MAP2: variants seen among roughly 807,000 people sequenced by gnomAD.
The protein encoded by MAP2 is microtubule-associated protein 2.
In MAP2, 14 loss-of-function variants were observed where a neutral mutation model predicts 137.6. The observed-to-expected ratio is 0.10, with a 90% CI of 0.07 to 0.16. The LOEUF (loss-of-function observed/expected upper bound fraction) is 0.16. Ranked by LOEUF, MAP2 falls within the 10% of genes least tolerant of loss-of-function variation. MAP2 has a pLI of 1.00. For missense variants in MAP2, 2,088 were observed against 2,191.5 expected (o/e 0.95, Z 0.94); for synonymous variants, 786 against 782.3 (o/e 1.00, Z -0.08).
Position 209,730,259 on chromosome 2 carries a change from C to T in MAP2, c.5346C>T (p.Ser1782=), listed in dbSNP as rs1161752969. 5 of 1,613,914 alleles carry T rather than the reference C, an allele frequency of 3.1e-6. No homozygotes were observed. The highest frequency in any genetic ancestry group is 4.2e-6 in the Non-Finnish European group (5 of 1,179,994). ...VDHGAEIITQ[S]PGRSSVASPR... ...ATGGGGCTGAGATCATTACACAGTC[C>T]CCAGGCAGATCCAGCGTGGCATCAC... is the stretch of plus-strand genomic sequence containing the variant. The change falls in exon 16 of 16, where the codon TCC becomes TCT. Residue 1782 remains serine (S), a synonymous_variant. Transcript: ENST00000682079.
Position 209,692,926 on chromosome 2 carries a change from C to A in MAP2, c.756C>A (p.Leu252=). The change falls in exon 8 of 16, where the codon CTC becomes CTA. Residue 252 remains leucine (L), a synonymous_variant. Coordinates refer to ENST00000682079, the MANE Select transcript of MAP2 (RefSeq NM_001375505.1). ...GCCTTGTAGTACCTGGCATTGACCTCCCTAAAGAGCCTCCAACTCCAAAAG... is the reference window on the plus strand; with the variant it reads ...GCCTTGTAGTACCTGGCATTGACCTACCTAAAGAGCCTCCAACTCCAAAAG... The part of the protein sequence containing the change: ...EPSLVVPGID[L]PKEPPTPKEQ... 2 of 1,614,092 alleles carry A rather than the reference C, an allele frequency of 1.2e-6. No homozygotes were observed. Among genetic ancestry groups the A allele is most frequent in the Non-Finnish European group, 1.7e-6 (2 of 1,179,990 alleles).
intron 5 of MAP2, among the ~76,000 whole-genome samples, chr2:209,658,519 T>G (rs538050055): frequency 2.6e-5 from 4 of 152,078 alleles, no homozygotes. Flanking sequence ...TACTATTTTT[T>G]TTTTGAGATG....
chr2:209,544,932 A>G (rs1423075022), intron 2 of MAP2, among the ~76,000 whole-genome samples: 1 of 152,220 alleles, frequency 6.6e-6, no homozygotes, highest in African/African-American at 2.4e-5. Context: ...TAAAACCTGA[A>G]TATTCTTCTT....
At chr2:209,467,126 C>A (rs951643753) in intron 1 of MAP2, among the ~76,000 whole-genome samples, 1 of 152,156 alleles carries the variant, frequency 6.6e-6, no homozygotes, top group Non-Finnish European at 1.5e-5. Flanking sequence ...TTCTCTCACC[C>A]CCACATTTAA....
chr2:209,427,917 G>A (rs1344861624), intron 1 of MAP2, among the ~76,000 whole-genome samples: 1 of 152,140 alleles, frequency 6.6e-6, no homozygotes, highest in Non-Finnish European at 1.5e-5. Flanking sequence ...ATGTAGGGTA[G>A]AGATGAGCCT....
In MAP2 at chr2:209,647,601, C is replaced by G. The variant is rs920236621; in HGVS notation, c.-29-5541C>G. Reference sequence around the variant, plus strand: ...TAGAAATCTGATCAATACCAAGTCTCTTAGTTTGGCTCACATCATTGGAAT... The same window carrying G: ...TAGAAATCTGATCAATACCAAGTCTGTTAGTTTGGCTCACATCATTGGAAT... On this transcript the variant is annotated intron_variant, in intron 4 of 15. Transcript: ENST00000682079. Among the ~76,000 whole-genome samples the G allele has an allele frequency of 2.0e-4, 31 of 152,146 alleles. 1 individual carries two copies. The highest frequency in any genetic ancestry group is 1.8e-3 in the Admixed American group (27 of 15,276).
intron 2 of MAP2, among the ~76,000 whole-genome samples, chr2:209,521,416 A>C (rs1576997601): frequency 1.3e-5 from 2 of 148,350 alleles, no homozygotes; most frequent in African/African-American, 5.0e-5. Context: ...TTCCTCCCCC[A>C]CCCCCTCTTT....
chr2:209,661,280 A>G (rs541563604), intron 5 of MAP2, among the ~76,000 whole-genome samples: 2 of 152,304 alleles, frequency 1.3e-5, no homozygotes, highest in South Asian at 2.1e-4. Context: ...TCTATGTAAT[A>G]TATTAATTTA....
At chr2:209,705,433 G>A (rs937397654) in intron 11 of MAP2, 147 bp from the exon 12 acceptor site, 12 of 546,754 alleles carry the variant, frequency 2.2e-5, no homozygotes, top group African/African-American at 2.1e-4. Flanking sequence ...TTATAAAGTA[G>A]AAATGTTTAT....
chr2:209,575,043 A>G (rs367719149), intron 2 of MAP2, among the ~76,000 whole-genome samples: 1 of 152,224 alleles, frequency 6.6e-6, no homozygotes, highest in Non-Finnish European at 1.5e-5. Context: ...TAAAAATTAT[A>G]ATTTAGCACA....
chr2:209,534,222 T>C (rs577207567), intron 2 of MAP2, among the ~76,000 whole-genome samples: 31 of 152,374 alleles, frequency 2.0e-4, no homozygotes, highest in African/African-American at 7.2e-4. Flanking sequence ...CTAATCTATC[T>C]CCTGGTGTTA....
intron 5 of MAP2, among the ~76,000 whole-genome samples, chr2:209,675,172 T>C (rs2050747085): frequency 6.6e-6 from 1 of 151,884 alleles, no homozygotes; most frequent in African/African-American, 2.4e-5. Context: ...TATGCTAAAA[T>C]AATGTTTCTC....
chr2:209,496,041 A>G (rs12995238), intron 1 of MAP2, among the ~76,000 whole-genome samples: 8,527 of 152,262 alleles, frequency 0.056, 272 homozygotes, highest in South Asian at 0.092. Context: ...GCTACAGCAA[A>G]CATGTCAGAG....
At chr2:209,527,032 T>C (rs2064169288) in intron 2 of MAP2, among the ~76,000 whole-genome samples, 1 of 152,144 alleles carries the variant, frequency 6.6e-6, no homozygotes, top group South Asian at 2.1e-4. Flanking sequence ...AGATGGACTT[T>C]TATGAATTCT....
At chr2:209,428,445 C>A (rs1009380501) in intron 1 of MAP2, among the ~76,000 whole-genome samples, 20 of 149,480 alleles carry the variant, frequency 1.3e-4, no homozygotes, top group Admixed American at 6.7e-5. Flanking sequence ...AGATCACATA[C>A]CTTGACTTTT....
chr2:209,568,739 C>G (rs537108426), intron 2 of MAP2, among the ~76,000 whole-genome samples: 10 of 151,926 alleles, frequency 6.6e-5, no homozygotes, highest in African/African-American at 2.4e-4. Context: ...AATGGCCCCA[C>G]TTGTGGAGAA....
intron 5 of MAP2, among the ~76,000 whole-genome samples, chr2:209,666,008 A>T (rs1348535430): frequency 6.6e-6 from 1 of 152,166 alleles, no homozygotes; most frequent in Non-Finnish European, 1.5e-5. Context: ...AACCACTTTT[A>T]AAAAATCAAT....
chr2:209,624,860 A>C (rs1465576624), intron 3 of MAP2, among the ~76,000 whole-genome samples, 193 bp from the exon 4 acceptor site: 1 of 152,172 alleles, frequency 6.6e-6, no homozygotes, highest in Non-Finnish European at 1.5e-5. Context: ...TTTCTATTCT[A>C]TCTGTGATAG....
At chr2:209,429,779 G>T (rs1693742989) in intron 1 of MAP2, among the ~76,000 whole-genome samples, 1 of 152,040 alleles carries the variant, frequency 6.6e-6, no homozygotes, top group African/African-American at 2.4e-5. Flanking sequence ...TGGATTTTAG[G>T]TGGCTACTAC....
Sources: gnomAD v4.1 joint callset for allele counts (sites outside exome capture counted in the v4.1 genomes callset) on GRCh38, gnomAD v4.1.1 for gene constraint, MANE v1.5 for transcripts, NCBI Gene and HGNC (gene_info 2026-07-23, HGNC 2026-07-21) for gene names.